Variants in CFAP298 observed in about 807,000 individuals in gnomAD.
CFAP298 encodes cilia- and flagella-associated protein 298.
A neutral mutation model predicts 41.0 loss-of-function variants in CFAP298; 38 were observed. That is an observed-to-expected ratio of 0.93 (90% CI 0.72 to 1.22). The LOEUF (loss-of-function observed/expected upper bound fraction) is 1.22, where lower values mean the gene tolerates loss of function less well. CFAP298 is among the 50% of genes most tolerant of loss of function. The pLI is 0.00. For synonymous variants in CFAP298, 137 were observed against 135.3 expected, an observed-to-expected ratio of 1.01 and a Z score of -0.09; for missense variants, 348 against 360.3, an observed-to-expected ratio of 0.97 and a Z score of 0.28.
At chr21:32,609,762 CAA>C (rs567630536) in intron 2 of CFAP298, 74 bp downstream of exon 2, 4,250 of 1,068,616 alleles carry the variant, frequency 4.0e-3, no homozygotes, top group South Asian at 7.6e-3. Context: ...GAATCCGTCT[CAA>C]AAAAAAAAAA....
At position 32,612,338 on chromosome 21, in the gene CFAP298, C is replaced by G; in HGVS notation, c.-95G>C. 6.9e-7 allele frequency: 1 copy of G among 1,453,514 alleles called. No homozygotes were observed. The highest frequency in any genetic ancestry group is 9.1e-7 in the Non-Finnish European group (1 of 1,103,064). 90.0% of individuals were successfully genotyped at this position (1,453,514 alleles called of 1,614,324 possible). Reference sequence around the variant, plus strand: ...AGGGTCGCCGGATCGCCAGCAGCTGCGACGCACTAACAGCCGCTCACAGTC... The same window carrying G: ...AGGGTCGCCGGATCGCCAGCAGCTGGGACGCACTAACAGCCGCTCACAGTC... On this transcript the variant is annotated 5_prime_UTR_variant, in exon 1 of 7. Transcript: ENST00000290155.
rs185803157 is a variant in CFAP298 at position 32,606,921 on chromosome 21, A to G, written c.375+728T>C. On this transcript the variant is annotated intron_variant, in intron 3 of 6. Coordinates refer to ENST00000290155, the MANE Select transcript of CFAP298 (RefSeq NM_021254.4). Reference sequence around the variant, plus strand: ...CCCTCTATAAACTAGCCTTTGTATAAAATGCTGAAGACAATTACAAAAAAC... The same window carrying G: ...CCCTCTATAAACTAGCCTTTGTATAGAATGCTGAAGACAATTACAAAAAAC... 1.2e-4 allele frequency among the ~76,000 whole-genome samples: 18 copies of G among 152,078 alleles called. No individual in the cohort carries two copies. The East Asian group carries it at 3.1e-3, about 26-fold the overall frequency.
chr21:32,605,313 A>C (rs2038843940), intron 3 of CFAP298, among the ~76,000 whole-genome samples: 1 of 152,216 alleles, frequency 6.6e-6, no homozygotes, highest in Admixed American at 6.5e-5. Context: ...AAACTCTTGG[A>C]ATTTCCTGAG....
chr21:32,603,053 T>G, intron 5 of CFAP298, 108 bp downstream of exon 5: 1 of 1,410,384 alleles, frequency 7.1e-7, no homozygotes, highest in Non-Finnish European at 1.0e-6. Flanking sequence ...CCAATAAGAT[T>G]AAAATATTTG....
At chr21:32,607,027 TA>T (rs1192712272) in intron 3 of CFAP298, among the ~76,000 whole-genome samples, 1 of 152,220 alleles carries the variant, frequency 6.6e-6, no homozygotes, top group Admixed American at 6.5e-5. Context: ...CTCCCCTACT[TA>T]ACTTTGTTAA....
rs2038742545 is a variant in CFAP298, at chr21:32,601,708, A to G, written c.*155T>C. ...TATTTATTAAGTTCTAAAACCTTGA[A>G]TAACTGCTATTTTAAAAATTCACAC... On this transcript the variant is annotated 3_prime_UTR_variant, in exon 7 of 7. Coordinates refer to ENST00000290155, the MANE Select transcript of CFAP298 (RefSeq NM_021254.4). The G allele has an allele frequency of 8.8e-6, 5 of 566,142 alleles. No homozygotes were observed. The highest frequency in any genetic ancestry group is 1.6e-5 in the Non-Finnish European group (5 of 318,434). The allele number at this position is 566,142 out of a possible 1,614,324, so 35.1% of individuals were successfully genotyped here.
At chr21:32,602,557 A>G in intron 5 of CFAP298, 190 bp from the exon 6 acceptor site, 16 of 1,408,582 alleles carry the variant, frequency 1.1e-5, no homozygotes, top group Non-Finnish European at 1.5e-5. Context: ...CTGGACTCTC[A>G]CTGTGTGGAG....
chr21:32,602,596 C>A, intron 5 of CFAP298: 3 of 1,350,136 alleles, frequency 2.2e-6, no homozygotes, highest in Middle Eastern at 2.8e-4. Flanking sequence ...CCATCTCTGT[C>A]TTGACCATTC....
chr21:32,603,932 C>T (rs373806964), intron 4 of CFAP298, among the ~76,000 whole-genome samples, 193 bp downstream of exon 4: 338 of 152,260 alleles, frequency 2.2e-3, no homozygotes, highest in African/African-American at 7.1e-3. Context: ...TGTGTGGGGC[C>T]AAACCCCTCA....
Position 32,611,341 on chromosome 21 carries a change from T to TATATATATATATATATATATATATA in CFAP298, c.139+763_139+764insTATATATATATATATATATATATAT, listed in dbSNP as rs1491095261. ...ACCATATATATATATATATATATAATTTATTTATATTTATATATACATATA... is the reference window on the plus strand; with the variant it reads ...ACCATATATATATATATATATATAATATATATATATATATATATATATATATTATTTATATTTATATATACATATA... On this transcript the variant is annotated intron_variant, in intron 1 of 6. Coordinates refer to ENST00000290155, the MANE Select transcript of CFAP298 (RefSeq NM_021254.4). 2.0e-3 allele frequency among the ~76,000 whole-genome samples: 237 copies of TATATATATATATATATATATATATA among 118,036 alleles called. 4 individuals are homozygous for TATATATATATATATATATATATATA. The highest frequency in any genetic ancestry group is 5.5e-3 in the African/African-American group (135 of 24,326). 77.4% of individuals were successfully genotyped at this position (118,036 alleles called of 152,430 possible). A position where few individuals can be genotyped will look rare whatever the true frequency, so the allele number is the denominator to read the frequency against.
Position 32,607,251 on chromosome 21 carries a change from G to T in CFAP298, c.375+398C>A, listed in dbSNP as rs542769756. Among the ~76,000 whole-genome samples the T allele has an allele frequency of 3.3e-5, 5 of 152,212 alleles. No homozygotes were observed. In the South Asian group the frequency reaches 1.0e-3, roughly 32 times the overall value. ...TGCCTCCGGAAGGCTGAAAGAGAAG[G>T]CTGGCTGAGAGGCAACTCTGGAAGC... On this transcript the variant is annotated intron_variant, in intron 3 of 6. Transcript: ENST00000290155.
chr21:32,602,694 A>G lies in CFAP298; in HGVS notation c.667-327T>C, dbSNP rs999525769. The G allele has an allele frequency of 3.2e-6, 4 of 1,240,506 alleles. No homozygotes were observed. In the African/African-American group the frequency reaches 6.2e-5, roughly 19 times the overall value. The allele number at this position is 1,240,506 out of a possible 1,614,324, so 76.8% of individuals were successfully genotyped here. A position where few individuals can be genotyped will look rare whatever the true frequency, so the allele number is the denominator to read the frequency against. ...GGATCTACATAAGGTGGAGGGCCCC[A>G]TTTCCCCAAAATCACAGCCTAGTGA... On this transcript the variant is annotated intron_variant, in intron 5 of 6. Coordinates refer to ENST00000290155, the MANE Select transcript of CFAP298 (RefSeq NM_021254.4).
chr21:32,604,473 C>A, intron 3 of CFAP298, 190 bp from the exon 4 acceptor site: 1 of 615,688 alleles, frequency 1.6e-6, no homozygotes, highest in Non-Finnish European at 2.9e-6. Flanking sequence ...TATTATAAAG[C>A]AGACGGTGAG....
At chr21:32,603,427 C>T in intron 4 of CFAP298, 135 bp from the exon 5 acceptor site, 1 of 824,210 alleles carries the variant, frequency 1.2e-6, no homozygotes, top group Non-Finnish European at 1.9e-6. Flanking sequence ...TCCCGCACCT[C>T]ACTCTAAGTC....
intron 3 of CFAP298, among the ~76,000 whole-genome samples, chr21:32,606,166 A>C (rs2146559464): frequency 6.6e-6 from 1 of 152,296 alleles, no homozygotes; most frequent in South Asian, 2.1e-4. Context: ...GAGGGAGAGG[A>C]GTGAGGAAGC....
intron 1 of CFAP298, among the ~76,000 whole-genome samples, chr21:32,610,483 G>A (rs2038966255): frequency 6.6e-6 from 1 of 152,176 alleles, no homozygotes; most frequent in Non-Finnish European, 1.5e-5. Context: ...AGGATTACCC[G>A]TGTGAGCCAC....
rs2038726495 is a variant in CFAP298 at position 32,601,122 on chromosome 21, G to A, written c.*741C>T. On this transcript the variant is annotated 3_prime_UTR_variant, in exon 7 of 7. Coordinates refer to ENST00000290155, the MANE Select transcript of CFAP298 (RefSeq NM_021254.4). ...AGGGTTAGAGAAGTCTCTCCAGCAAGGCTGGGAGTTCAGCTTCCAATAGAT... is the reference window on the plus strand; with the variant it reads ...AGGGTTAGAGAAGTCTCTCCAGCAAAGCTGGGAGTTCAGCTTCCAATAGAT... Among the ~76,000 whole-genome samples, 1 of 152,072 alleles carries A rather than the reference G, an allele frequency of 6.6e-6. No homozygotes were observed. Among genetic ancestry groups the A allele is most frequent in the African/African-American group, 2.4e-5 (1 of 41,410 alleles).
At chr21:32,608,699 A>G (rs2038923578) in intron 2 of CFAP298, among the ~76,000 whole-genome samples, 1 of 151,582 alleles carries the variant, frequency 6.6e-6, no homozygotes. Context: ...ATTTAAGAAC[A>G]TATTACATAT....
At chr21:32,607,498 C>T (rs1156972527) in intron 3 of CFAP298, 151 bp downstream of exon 3, 3 of 528,702 alleles carry the variant, frequency 5.7e-6, no homozygotes, top group Non-Finnish European at 1.0e-5. Flanking sequence ...GAGGCTGAGG[C>T]AGGAGAATTG....
Sources: gnomAD v4.1 joint callset for allele counts (sites outside exome capture counted in the v4.1 genomes callset) on GRCh38, gnomAD v4.1.1 for gene constraint, MANE v1.5 for transcripts, NCBI Gene and HGNC (gene_info 2026-07-23, HGNC 2026-07-21) for gene names.